The following THSD7B variants were observed in gnomAD, a reference collection of about 807,000 sequenced individuals.
THSD7B encodes thrombospondin type-1 domain-containing protein 7B.
Under a neutral mutation model 213.6 loss-of-function variants are expected in THSD7B, and 138 were observed. The observed-to-expected ratio is 0.65, with a 90% confidence interval of 0.56 to 0.74. The LOEUF (loss-of-function observed/expected upper bound fraction) is 0.74, where lower values mean the gene tolerates loss of function less well. Ranked by LOEUF, THSD7B falls within the 30% of genes least tolerant of loss-of-function variation. The pLI is 0.00. For synonymous variants in THSD7B, 742 were observed against 687.0 expected (o/e 1.08, Z -1.25); for missense variants, 1,931 against 1,991.5 (o/e 0.97, Z 0.58).
At chr2:137,438,935 A>G (rs183425676) in intron 14 of THSD7B, among the ~76,000 whole-genome samples, 36 of 152,206 alleles carry the variant, frequency 2.4e-4, no homozygotes, top group African/African-American at 7.7e-4. Flanking sequence ...CGTCCTTACA[A>G]GAGAAAAGAG....
chr2:136,922,254 G>A (rs773671135), intron 2 of THSD7B, among the ~76,000 whole-genome samples: 26 of 152,062 alleles, frequency 1.7e-4, no homozygotes, highest in African/African-American at 6.0e-4. Flanking sequence ...CATTTATGTC[G>A]AACAGTATTA....
chr2:137,269,882 C>T (rs1212214961), intron 10 of THSD7B, among the ~76,000 whole-genome samples: 3 of 152,102 alleles, frequency 2.0e-5, no homozygotes, highest in Non-Finnish European at 4.4e-5. Context: ...CAACATGTCT[C>T]CTTTGACTTT....
At chr2:137,255,979 C>T (rs1288521053) in intron 10 of THSD7B, among the ~76,000 whole-genome samples, 2 of 152,132 alleles carry the variant, frequency 1.3e-5, no homozygotes, top group African/African-American at 4.8e-5. Context: ...GTTAAAATGC[C>T]ATTGCCTCAG....
chr2:136,864,024 C>G (rs1009947769), intron 1 of THSD7B, among the ~76,000 whole-genome samples: 8 of 152,112 alleles, frequency 5.3e-5, no homozygotes, highest in African/African-American at 1.9e-4. Context: ...GAGGCATGTC[C>G]TGTCTTTGCT....
chr2:136,775,771 C>A (rs999865432), intron 1 of THSD7B, among the ~76,000 whole-genome samples: 11 of 152,046 alleles, frequency 7.2e-5, no homozygotes, highest in African/African-American at 2.7e-4. Context: ...AGAGGTGAAG[C>A]CCCTTTAAGT....
intron 15 of THSD7B, among the ~76,000 whole-genome samples, chr2:137,559,654 G>A (rs547428106): frequency 6.6e-6 from 1 of 152,264 alleles, no homozygotes; most frequent in East Asian, 1.9e-4. Context: ...ATAGGCATGG[G>A]CAAAGACTTC....
intron 13 of THSD7B, among the ~76,000 whole-genome samples, chr2:137,410,692 C>T (rs940050169): frequency 1.3e-5 from 2 of 152,142 alleles, no homozygotes; most frequent in African/African-American, 2.4e-5. Flanking sequence ...GCCCATGCAT[C>T]AGCTTGTATC....
chr2:137,114,544 C>T (rs1374893652), intron 4 of THSD7B, among the ~76,000 whole-genome samples: 2 of 152,146 alleles, frequency 1.3e-5, no homozygotes, highest in Non-Finnish European at 2.9e-5. Context: ...AAGTATTAAT[C>T]AGTTATATAT....
chr2:137,546,781 A>G (rs570146684), intron 15 of THSD7B, among the ~76,000 whole-genome samples: 3 of 151,614 alleles, frequency 2.0e-5, no homozygotes, highest in Non-Finnish European at 4.4e-5. Flanking sequence ...ACCATTCAGT[A>G]ACACATTTTG....
chr2:137,488,450 A>G lies in THSD7B; in HGVS notation c.3138+37427A>G, dbSNP rs1335140030. 2.0e-5 allele frequency among the ~76,000 whole-genome samples: 3 copies of G among 152,014 alleles called. No homozygotes were observed. In the East Asian group the frequency reaches 5.8e-4, roughly 29 times the overall value. On this transcript the variant is annotated intron_variant, in intron 15 of 27. Coordinates refer to ENST00000409968, the MANE Select transcript of THSD7B (RefSeq NM_001316349.2). ...AGGCACTTTGAGTTTCAACTCATTG[A>G]TATAGAAGCAGGTTTTCTTAATCTT... is the stretch of plus-strand genomic sequence containing the variant.
chr2:136,948,465 T>TAC (rs200996592), intron 2 of THSD7B, among the ~76,000 whole-genome samples: 4 of 149,490 alleles, frequency 2.7e-5, no homozygotes, highest in Non-Finnish European at 5.9e-5. Flanking sequence ...TATAAAAGAA[T>TAC]ACACACACAC....
At chr2:137,047,226 G>A (rs1686988015) in intron 2 of THSD7B, among the ~76,000 whole-genome samples, 1 of 152,124 alleles carries the variant, frequency 6.6e-6, no homozygotes, top group South Asian at 2.1e-4. Context: ...GAAGAAACTG[G>A]GGCAGAGTGA....
intron 1 of THSD7B, among the ~76,000 whole-genome samples, chr2:136,870,039 T>G (rs953058775): frequency 2.2e-5 from 3 of 139,334 alleles, no homozygotes; most frequent in African/African-American, 8.2e-5. Flanking sequence ...ACCACTGCAC[T>G]CCGGGCTGGG....
chr2:137,286,031 G>A (rs1683167728), intron 12 of THSD7B, among the ~76,000 whole-genome samples: 1 of 151,456 alleles, frequency 6.6e-6, no homozygotes, highest in African/African-American at 2.4e-5. Flanking sequence ...TTGAACCCGG[G>A]AGGTGGAAGT....
chr2:136,960,769 G>T (rs968732142), intron 2 of THSD7B, among the ~76,000 whole-genome samples: 1 of 152,014 alleles, frequency 6.6e-6, no homozygotes, highest in African/African-American at 2.4e-5. Context: ...TGGACTCAGA[G>T]GGAAGAAAAA....
chr2:137,537,832 G>C (rs1185915418), intron 15 of THSD7B, among the ~76,000 whole-genome samples: 1 of 151,526 alleles, frequency 6.6e-6, no homozygotes, highest in Non-Finnish European at 1.5e-5. Context: ...CCAGGCACTG[G>C]GTTTAGTATT....
intron 11 of THSD7B, among the ~76,000 whole-genome samples, chr2:137,274,765 G>A (rs1682829387): frequency 6.6e-6 from 1 of 151,898 alleles, no homozygotes; most frequent in South Asian, 2.1e-4. Context: ...CTTACCTTTT[G>A]GCTTCTGTAT....
intron 5 of THSD7B, among the ~76,000 whole-genome samples, chr2:137,138,339 C>T (rs1303270150): frequency 6.6e-6 from 1 of 152,128 alleles, no homozygotes; most frequent in Non-Finnish European, 1.5e-5. Flanking sequence ...ACTTTATGCA[C>T]CTGCCAGCTG....
chr2:137,004,296 T>TACACACACACACAC (rs34674642), intron 2 of THSD7B, among the ~76,000 whole-genome samples: 2 of 131,490 alleles, frequency 1.5e-5, no homozygotes, highest in African/African-American at 2.9e-5. Context: ...TGTGCACACG[T>TACACACACACACAC]ACACACACAC....
Sources: allele counts gnomAD v4.1 joint callset (sites outside exome capture counted in the v4.1 genomes callset), GRCh38; gene constraint gnomAD v4.1.1; transcripts MANE v1.5; gene names NCBI Gene and HGNC (gene_info 2026-07-23, HGNC 2026-07-21).